The following FOXN1 variants were observed in gnomAD, a reference collection of about 807,000 sequenced individuals.
The protein encoded by FOXN1 is forkhead box protein N1.
Under a neutral mutation model 49.0 loss-of-function variants are expected in FOXN1, and 15 were observed. The observed-to-expected ratio is 0.31, with a 90% confidence interval of 0.20 to 0.47. The LOEUF (loss-of-function observed/expected upper bound fraction) is 0.47. FOXN1 is among the 20% of genes least tolerant of loss of function. FOXN1 has a pLI of 1.00. For missense variants in FOXN1, 800 were observed against 842.8 expected (o/e 0.95, Z 0.63); for synonymous variants, 356 against 369.0 (o/e 0.96, Z 0.40).
At chr17:28,508,754 T>C (rs2069323631) in intron 1 of FOXN1, among the ~76,000 whole-genome samples, 1 of 152,092 alleles carries the variant, frequency 6.6e-6, no homozygotes, top group Admixed American at 6.6e-5. Context: ...GAAGTTGCGG[T>C]CCACTTCTGC....
chr17:28,527,390 C>T (rs1210473125), intron 4 of FOXN1, 29 bp downstream of exon 4: 1 of 1,301,074 alleles, frequency 7.7e-7, no homozygotes, highest in Non-Finnish European at 1.1e-6. Flanking sequence ...GGCCTGCTTC[C>T]CCCAGGTCTG....
chr17:28,529,565 G>A (rs998007824), intron 5 of FOXN1, among the ~76,000 whole-genome samples: 7 of 152,150 alleles, frequency 4.6e-5, no homozygotes, highest in East Asian at 3.9e-4. Flanking sequence ...GTGCCTCCCC[G>A]GAAACAGACG....
chr17:28,525,116 C>A, intron 3 of FOXN1, 149 bp downstream of exon 3: 2 of 707,878 alleles, frequency 2.8e-6, no homozygotes, highest in Non-Finnish European at 4.9e-6. Context: ...TCCTGGTCAG[C>A]TGGGGAGGGG....
chr17:28,514,643 G>T (rs929690494), intron 1 of FOXN1, among the ~76,000 whole-genome samples: 1 of 152,014 alleles, frequency 6.6e-6, no homozygotes, highest in East Asian at 1.9e-4. Context: ...GCACCCGGCC[G>T]GCCGAGCCCC....
At position 28,527,347 on chromosome 17, in the gene FOXN1, C is replaced by G. The variant is rs763958930; in HGVS notation, c.685C>G (p.Pro229Ala). ...GCAGCATATGTACTGCTCCTCCCAG[C>G]CCCCCTTCCACCAGGTGGGTCTGGG... ...PLQHMYCSSQ[P>A]PFHQYSPGGG... Residue 229 changes from proline (P) to alanine (A), a missense_variant, in exon 4 of 9, where the codon CCC becomes GCC. By Grantham distance (27) the Pro-to-Ala change is conservative (BLOSUM62 -1). Transcript: ENST00000579795. 6.2e-7 allele frequency: 1 copy of G among 1,608,716 alleles called. No homozygotes were observed. Among genetic ancestry groups the G allele is most frequent in the Non-Finnish European group, 8.5e-7 (1 of 1,175,684 alleles).
chr17:28,530,797 C>T lies in FOXN1; in HGVS notation c.879C>T (p.Pro293=), dbSNP rs374220152. Residue 293 remains proline (P), a synonymous_variant, in exon 6 of 9, where the codon CCC becomes CCT. Transcript: ENST00000579795. The part of the protein sequence containing the change: ...ALKNSKTGSL[P]VSEIYNFMTE... ...AGAACAGTAAAACTGGGAGCCTTCCCGTCAGCGAGATCTACAATTTTATGA... is the reference window on the plus strand; with the variant it reads ...AGAACAGTAAAACTGGGAGCCTTCCTGTCAGCGAGATCTACAATTTTATGA... 10 of 1,602,982 alleles carry T rather than the reference C, an allele frequency of 6.2e-6. No individual in the cohort carries two copies. The highest frequency in any genetic ancestry group is 4.2e-5 in the African/African-American group (3 of 71,992).
chr17:28,535,228 G>C, intron 8 of FOXN1, 30 bp downstream of exon 8: 2 of 1,608,484 alleles, frequency 1.2e-6, no homozygotes, highest in Non-Finnish European at 1.7e-6. Context: ...GGGAAGGTGG[G>C]ACAGGACTGG....
intron 5 of FOXN1, among the ~76,000 whole-genome samples, chr17:28,530,465 C>T (rs1487205706): frequency 2.6e-5 from 4 of 152,222 alleles, no homozygotes; most frequent in African/African-American, 7.2e-5. Flanking sequence ...ACTTTCTTCA[C>T]TTCAAAGTTG....
intron 4 of FOXN1, among the ~76,000 whole-genome samples, chr17:28,528,729 C>T (rs1416760275): frequency 5.3e-5 from 8 of 152,220 alleles, no homozygotes; most frequent in African/African-American, 1.4e-4. Flanking sequence ...ATCCTGCTTC[C>T]GGCCCAGCTG....
intron 1 of FOXN1, among the ~76,000 whole-genome samples, chr17:28,517,330 G>GT (rs1407794791): frequency 4.6e-5 from 6 of 130,884 alleles, no homozygotes; most frequent in Admixed American, 7.8e-5. Context: ...CCTCCACAGG[G>GT]ACACACCTCC....
intron 1 of FOXN1, among the ~76,000 whole-genome samples, chr17:28,514,774 G>A (rs536928368): frequency 1.2e-4 from 19 of 152,256 alleles, no homozygotes; most frequent in Admixed American, 7.2e-4. Flanking sequence ...AGCAGGGAGC[G>A]TGAAGAGAGC....
intron 5 of FOXN1, among the ~76,000 whole-genome samples, chr17:28,529,584 C>A (rs1207619217): frequency 6.6e-6 from 1 of 152,170 alleles, no homozygotes; most frequent in Non-Finnish European, 1.5e-5. Flanking sequence ...CGGAAGCCCC[C>A]CTCAAAGCTC....
intron 4 of FOXN1, 79 bp from the exon 5 acceptor site, chr17:28,529,015 T>A: frequency 6.5e-7 from 1 of 1,548,020 alleles, no homozygotes; most frequent in Non-Finnish European, 8.9e-7. Context: ...CTTCTCTGGA[T>A]GTATATAAAT....
chr17:28,512,213 A>G (rs2069409959), intron 1 of FOXN1, among the ~76,000 whole-genome samples: 1 of 152,212 alleles, frequency 6.6e-6, no homozygotes, highest in Admixed American at 6.5e-5. Context: ...TCCTTCACTC[A>G]TGCCCCACCT....
Position 28,523,898 on chromosome 17 carries a change from T to C in FOXN1, c.-14-58T>C, listed in dbSNP as rs2069698747. 4 of 1,594,206 alleles carry C rather than the reference T, an allele frequency of 2.5e-6. No individual in the cohort carries two copies. The Admixed American group carries it at 6.7e-5, about 27-fold the overall frequency. ...GGGGTTGGGGTGGAGGTGGCGAACC[T>C]GGGTTGGTCCCCACTGGATGCTGGT... On this transcript the variant is annotated intron_variant, in intron 1 of 8. Transcript: ENST00000579795.
chr17:28,506,708 G>T (rs1484669299), intron 1 of FOXN1, among the ~76,000 whole-genome samples: 1 of 152,090 alleles, frequency 6.6e-6, no homozygotes, highest in Non-Finnish European at 1.5e-5. Context: ...GGTGTGTGCT[G>T]GATTTTGTGT....
In FOXN1 at chr17:28,529,236, A is replaced by G; in HGVS notation, c.830+12A>G. 1 of 1,613,102 alleles carries G rather than the reference A, an allele frequency of 6.2e-7. No individual in the cohort carries two copies. The highest frequency in any genetic ancestry group is 8.5e-7 in the Non-Finnish European group (1 of 1,179,672). On this transcript the variant is annotated intron_variant, in intron 5 of 8. Transcript: ENST00000579795. The stretch of plus-strand genomic sequence containing the variant: ...ATCTATTCCTACAGGTACATTTCCC[A>G]CTCTCCAGGGATGGGAGGAGGAGGG...
intron 1 of FOXN1, 164 bp from the exon 2 acceptor site, chr17:28,523,792 T>TTCTCTCTCTCTCTCTCTC (rs10527420): frequency 7.5e-5 from 49 of 650,488 alleles, no homozygotes; most frequent in African/African-American, 6.4e-4. Context: ...CGCTCTCTGG[T>TTCTCTCTCTCTCTCTCTC]TCTCTCTCTC....
At chr17:28,531,842 G>A (rs991246948) in intron 6 of FOXN1, among the ~76,000 whole-genome samples, 17 of 152,174 alleles carry the variant, frequency 1.1e-4, no homozygotes, top group Non-Finnish European at 2.1e-4. Flanking sequence ...GACGCTTGAT[G>A]TTCAAATAAG....
Sources: allele counts gnomAD v4.1 joint callset (sites outside exome capture counted in the v4.1 genomes callset), GRCh38; gene constraint gnomAD v4.1.1; transcripts MANE v1.5; gene names NCBI Gene and HGNC (gene_info 2026-07-23, HGNC 2026-07-21).